The following MIDEAS variants were observed in gnomAD, a reference collection of about 807,000 sequenced individuals.
MIDEAS encodes mitotic deacetylase-associated SANT domain protein.
MIDEAS carries 26 observed loss-of-function variants against 102.7 expected under a neutral mutation model. That is an observed-to-expected ratio of 0.25 (90% CI 0.19 to 0.35). The LOEUF is 0.35. MIDEAS is among the 10% of genes least tolerant of loss of function. The pLI is 1.00. For missense variants in MIDEAS, 1,231 were observed against 1,435.6 expected (o/e 0.86, Z 2.30); for synonymous variants, 585 against 591.0 (o/e 0.99, Z 0.15).
At chr14:73,761,154 C>T (rs1191511467), upstream of MIDEAS, among the ~76,000 whole-genome samples, 5 of 152,076 alleles carry the variant, frequency 3.3e-5, no homozygotes, top group Non-Finnish European at 5.9e-5. Context: ...GGAGATTTTC[C>T]TTTGAAAGAA....
At chr14:73,733,787 C>A (rs2053168123) in intron 3 of MIDEAS, among the ~76,000 whole-genome samples, 1 of 151,968 alleles carries the variant, frequency 6.6e-6, no homozygotes, top group South Asian at 2.1e-4. Flanking sequence ...CTCCACCTCC[C>A]AGGTTCAAGC....
intron 1 of MIDEAS, among the ~76,000 whole-genome samples, chr14:73,786,159 C>A (rs2053805862): frequency 6.6e-6 from 1 of 152,208 alleles, no homozygotes; most frequent in African/African-American, 2.4e-5. Flanking sequence ...ACCAACGTGT[C>A]CCCGCCGCCG....
chr14:73,732,135 C>T (rs757469430), intron 3 of MIDEAS, among the ~76,000 whole-genome samples: 1 of 152,196 alleles, frequency 6.6e-6, no homozygotes, highest in African/African-American at 2.4e-5. Context: ...GAACAAGCTG[C>T]CCAGGCCTCC....
chr14:73,783,293 G>C (rs1487663249), intron 1 of MIDEAS, among the ~76,000 whole-genome samples: 1 of 152,154 alleles, frequency 6.6e-6, no homozygotes, highest in Non-Finnish European at 1.5e-5. Flanking sequence ...TCAAGGAGGA[G>C]GACACAAACA....
upstream of MIDEAS, among the ~76,000 whole-genome samples, chr14:73,764,111 G>A (rs144679296): frequency 7.2e-5 from 11 of 152,208 alleles, no homozygotes; most frequent in Middle Eastern, 3.4e-3. Flanking sequence ...AGGCCAAAGC[G>A]GGCGGATCAT....
At chr14:73,777,172 C>T (rs1055393008) in intron 1 of MIDEAS, among the ~76,000 whole-genome samples, 5 of 151,924 alleles carry the variant, frequency 3.3e-5, no homozygotes, top group African/African-American at 1.2e-4. Flanking sequence ...GCCTCTGGAG[C>T]GAGTGGCACA....
At chr14:73,723,664 T>C (rs1165854175) in intron 9 of MIDEAS, 1 of 152,230 alleles carries the variant, frequency 6.6e-6, no homozygotes, top group African/African-American at 2.4e-5. Context: ...AAAGCAAATA[T>C]AGCCAATGTT....
chr14:73,739,019 G>C lies in MIDEAS; in HGVS notation c.990C>G (p.Ala330=). 6.5e-7 allele frequency: 1 copy of C among 1,543,928 alleles called. No homozygotes were observed. Among genetic ancestry groups the C allele is most frequent in the Non-Finnish European group, 8.7e-7 (1 of 1,143,962 alleles). The change falls in exon 2 of 13, where the codon GCC becomes GCG. Residue 330 remains alanine, a synonymous_variant. Transcript: ENST00000423556. ...ELRKALLQDS[A]PQPALPQVQI... is the part of the protein sequence containing the mutation. The stretch of plus-strand genomic sequence containing the variant: ...GGACCTGAGGTAGCGCTGGCTGCGG[G>C]GCTGAGTCCTGCAGAAGGGCCTTGC...
At chr14:73,756,503 T>G (rs1334502601) in intron 1 of MIDEAS, among the ~76,000 whole-genome samples, 1 of 152,216 alleles carries the variant, frequency 6.6e-6, no homozygotes, top group Non-Finnish European at 1.5e-5. Context: ...CGGCCCAGCA[T>G]GCAATTTTTC....
intron 4 of MIDEAS, chr14:73,729,253 G>C (rs995875950): frequency 7.5e-5 from 13 of 173,086 alleles, no homozygotes; most frequent in African/African-American, 3.1e-4. Context: ...CTGAGCCTAG[G>C]AAGTGGCTAT....
intron 1 of MIDEAS, among the ~76,000 whole-genome samples, chr14:73,745,957 G>C (rs1201457407): frequency 6.6e-6 from 1 of 152,190 alleles, no homozygotes; most frequent in East Asian, 1.9e-4. Flanking sequence ...CTGAAAAGCA[G>C]AGCCCAGGCC....
rs530645020 is a variant in MIDEAS at position 73,743,819 on chromosome 14, G to A, written c.-247-3564C>T. 3.0e-3 allele frequency among the ~76,000 whole-genome samples: 463 copies of A among 152,104 alleles called. 5 individuals carry two copies. The highest frequency in any genetic ancestry group is 3.9e-3 in the Non-Finnish European group (266 of 67,970). ...GCAAAAGGAAACCCACAGTCACCAC[G>A]GGGCCCCAGACACGGCAACCCGCCC... is the stretch of plus-strand genomic sequence containing the variant. On this transcript the variant is annotated intron_variant, in intron 1 of 12. Coordinates refer to ENST00000423556, the MANE Select transcript of MIDEAS (RefSeq NM_001367710.1).
intron 1 of MIDEAS, among the ~76,000 whole-genome samples, chr14:73,757,647 A>C (rs112056108): frequency 0.027 from 4,101 of 152,248 alleles, 58 homozygotes; most frequent in African/African-American, 0.043. Context: ...GGAGACCCAA[A>C]TGCAAGAGAG....
chr14:73,755,741 G>A (rs1168818324), intron 1 of MIDEAS, among the ~76,000 whole-genome samples: 5 of 152,162 alleles, frequency 3.3e-5, no homozygotes, highest in African/African-American at 4.8e-5. Flanking sequence ...GTTGTTCCCA[G>A]GGCACAATAA....
chr14:73,757,512 T>G (rs1418138355), intron 1 of MIDEAS, among the ~76,000 whole-genome samples: 3 of 152,094 alleles, frequency 2.0e-5, no homozygotes, highest in Non-Finnish European at 1.5e-5. Flanking sequence ...AAGGTGGAAA[T>G]GAGTGTTCAG....
At chr14:73,749,580 AAT>A (rs939444392) in intron 1 of MIDEAS, among the ~76,000 whole-genome samples, 34 of 147,588 alleles carry the variant, frequency 2.3e-4, no homozygotes, top group Non-Finnish European at 4.3e-4. Context: ...TATATAATAT[AAT>A]ATATATATAA....
rs910069448 is a variant in MIDEAS at position 73,742,820 on chromosome 14, T to A, written c.-247-2565A>T. ...TGGGGGTGGGGAGAAGAGTGGAAGA[T>A]ACTGGCAGCCTGGGAGGAAGGGTGA... On this transcript the variant is annotated intron_variant, in intron 1 of 12. Transcript: ENST00000423556. The surrounding 1 kb of genome is among the most constrained non-coding windows in gnomAD (Gnocchi z 4.4). Among the ~76,000 whole-genome samples the A allele has an allele frequency of 6.6e-6, 1 of 151,952 alleles. No individual in the cohort carries two copies. Among genetic ancestry groups the A allele is most frequent in the Non-Finnish European group, 1.5e-5 (1 of 67,962 alleles).
intron 1 of MIDEAS, chr14:73,754,757 C>A: frequency 6.6e-6 from 1 of 152,270 alleles, no homozygotes; most frequent in East Asian, 1.9e-4. Context: ...CATGCCGTCT[C>A]GGGGTTGCAA....
rs1343963861 is a variant in MIDEAS, at chr14:73,719,489, G to C, written c.2950C>G (p.Leu984Val). 1.2e-6 allele frequency: 2 copies of C among 1,613,462 alleles called. No individual in the cohort carries two copies. Among genetic ancestry groups the C allele is most frequent in the Non-Finnish European group, 1.7e-6 (2 of 1,179,924 alleles). Residue 984 changes from leucine (L) to valine (V), a missense_variant, in exon 12 of 13, where the codon CTC becomes GTC. By Grantham distance (32) the Leu-to-Val change is conservative. This residue lies in a region of MIDEAS where 391 missense variants were observed against 483.0 expected (regional missense o/e 0.81). Coordinates refer to ENST00000423556, the MANE Select transcript of MIDEAS (RefSeq NM_001367710.1). Reference protein sequence around the residue: ...LQANESASDILILRSHESNAP... With the variant: ...LQANESASDIVILRSHESNAP... ...TTGGACTCGTGGCTCCGGAGGATGAGGATGTCACTGGCCTGAAGAAAATCA... is the reference window on the plus strand; with the variant it reads ...TTGGACTCGTGGCTCCGGAGGATGACGATGTCACTGGCCTGAAGAAAATCA...
Sources: gnomAD v4.1 joint callset for allele counts (sites outside exome capture counted in the v4.1 genomes callset) on GRCh38, gnomAD v4.1.1 for gene constraint, gnomAD v4.1.1 regional missense constraint, Gnocchi (gnomAD v3.1) non-coding constraint, MANE v1.5 for transcripts, NCBI Gene and HGNC (gene_info 2026-07-23, HGNC 2026-07-21) for gene names.